Variants in DGKG observed in about 807,000 individuals in gnomAD.
DGKG encodes DAG kinase gamma.
In DGKG, 78 loss-of-function variants were observed where a neutral mutation model predicts 105.3. The ratio of observed to expected loss-of-function variants is 0.74; its 90% CI spans 0.62 to 0.89. DGKG has a LOEUF of 0.89. Among genes scored for constraint, DGKG ranks in the 40% least tolerant of loss-of-function variants. The pLI is 0.00. For missense variants in DGKG, 958 were observed against 1,020.1 expected (o/e 0.94, Z 0.83); for synonymous variants, 346 against 367.1 (o/e 0.94, Z 0.66).
At chr3:186,268,956 G>C (rs777440295) in intron 11 of DGKG, 39 bp from the exon 12 acceptor site, 21 of 1,457,372 alleles carry the variant, frequency 1.4e-5, no homozygotes, top group Non-Finnish European at 1.8e-5. Flanking sequence ...GAAAATGGCA[G>C]AACCATGTCC....
Position 186,279,865 on chromosome 3 carries a change from C to G in DGKG, c.778G>C (p.Gly260Arg), listed in dbSNP as rs1156486146. Residue 260 changes from glycine (G) to arginine (R), a missense_variant, in exon 9 of 25, where the codon GGG becomes CGG. Physicochemically the swap from Gly to Arg is moderately radical, Grantham distance 125. Transcript: ENST00000265022. ...MTTIPLLVLL[G>R]MDDSGSKGDG... ...TGTTGACTTACAGAGTCATCCATCC[C>G]CAGGAGGACCAGCAATGGGATGGTG... 1.9e-6 allele frequency: 3 copies of G among 1,613,612 alleles called. No individual in the cohort carries two copies.
At chr3:186,323,936 CAAAAAAAAA>C (rs35989455) in intron 1 of DGKG, among the ~76,000 whole-genome samples, 4 of 72,018 alleles carry the variant, frequency 5.6e-5, no homozygotes, top group Non-Finnish European at 1.0e-4. Context: ...GACTCCGTCT[CAAAAAAAAA>C]AAAAAAAAAA....
intron 15 of DGKG, 149 bp downstream of exon 15, chr3:186,261,550 G>A (rs934365082): frequency 4.4e-6 from 3 of 676,024 alleles, no homozygotes; most frequent in Non-Finnish European, 2.7e-6. Context: ...GGGACATTAA[G>A]TCACTTGGGC....
chr3:186,214,710 A>T (rs915685168), intron 20 of DGKG, among the ~76,000 whole-genome samples: 4 of 152,234 alleles, frequency 2.6e-5, no homozygotes, highest in Non-Finnish European at 5.9e-5. Context: ...CTTCGGAGAA[A>T]GTGCATGTTT....
At chr3:186,269,229 G>A (rs568664396) in intron 11 of DGKG, among the ~76,000 whole-genome samples, 4 of 152,378 alleles carry the variant, frequency 2.6e-5, no homozygotes, top group African/African-American at 9.6e-5. Flanking sequence ...CTTGCAGAAC[G>A]CCTTGCAGAG....
In DGKG at chr3:186,226,474, C is replaced by T. The variant is rs1340175803; in HGVS notation, c.1827-14589G>A. ...GATTATGAGCAGCCGCTTCCCCTCT[C>T]CCCACCCAAGTTCAGGGGCAAGGTG... On this transcript the variant is annotated intron_variant, in intron 20 of 24. Coordinates refer to ENST00000265022, the MANE Select transcript of DGKG (RefSeq NM_001346.3). This position sits in a 1 kb window ranked among gnomAD's most constrained non-coding sequence, Gnocchi z 4.2. Among the ~76,000 whole-genome samples, 5 of 139,090 alleles carry T rather than the reference C, an allele frequency of 3.6e-5. No homozygotes were observed. The Admixed American group carries it at 4.0e-4, about 11-fold the overall frequency. The allele number at this position is 139,090 out of a possible 152,430, so 91.2% of individuals were successfully genotyped here.
chr3:186,327,404 T>A (rs1350052701), intron 1 of DGKG, among the ~76,000 whole-genome samples: 1 of 141,416 alleles, frequency 7.1e-6, no homozygotes, highest in Non-Finnish European at 1.5e-5. Context: ...TTTTTTTTTT[T>A]GAGGCGTGGT....
chr3:186,322,127 C>T, intron 1 of DGKG, among the ~76,000 whole-genome samples: 1 of 152,154 alleles, frequency 6.6e-6, no homozygotes, highest in Non-Finnish European at 1.5e-5. Flanking sequence ...CTTCTTTTGC[C>T]ATCTTTAAAT....
chr3:186,296,112 C>CAAAAAAAAAAAAAAAAAAAAA (rs36070727), intron 5 of DGKG, among the ~76,000 whole-genome samples: 1 of 143,392 alleles, frequency 7.0e-6, no homozygotes, highest in African/African-American at 2.6e-5. Context: ...TTATCTCAGA[C>CAAAAAAAAAAAAAAAAAAAAA]AAAAAAAAAA....
intron 19 of DGKG, 133 bp downstream of exon 19, chr3:186,251,626 C>T (rs1721230356): frequency 4.0e-6 from 4 of 993,704 alleles, no homozygotes; most frequent in African/African-American, 3.2e-5. Context: ...TTTCAGAATG[C>T]TTGGACCCAA....
intron 22 of DGKG, among the ~76,000 whole-genome samples, chr3:186,185,045 GATACAGAA>G (rs888122301): frequency 9.9e-5 from 15 of 152,172 alleles, no homozygotes; most frequent in African/African-American, 3.1e-4. Context: ...TTATTTTACA[GATACAGAA>G]AACTGAGACC....
intron 1 of DGKG, among the ~76,000 whole-genome samples, chr3:186,330,192 A>ACACT (rs1220254289): frequency 6.6e-6 from 1 of 152,124 alleles, no homozygotes; most frequent in Non-Finnish European, 1.5e-5. Flanking sequence ...ATATACATCA[A>ACACT]CACTCACATT....
At chr3:186,165,166 T>C in intron 22 of DGKG, 148 bp from the exon 23 acceptor site, 1 of 796,726 alleles carries the variant, frequency 1.3e-6, no homozygotes, top group Non-Finnish European at 1.9e-6. Flanking sequence ...CTGAATAGGG[T>C]GTTTCCCCAA....
At position 186,341,276 on chromosome 3, in the gene DGKG, T is replaced by C. The variant is rs535111518; in HGVS notation, c.-248-20569A>G. 2.0e-5 allele frequency among the ~76,000 whole-genome samples: 3 copies of C among 152,336 alleles called. No individual in the cohort carries two copies. The South Asian group carries it at 6.2e-4, about 32-fold the overall frequency. ...CATATGCTGGAAGGGTAAGTTCATG[T>C]CTGGTCATGAAGGACTTGCATCTAC... is the stretch of plus-strand genomic sequence containing the variant. On this transcript the variant is annotated intron_variant, in intron 1 of 24. Coordinates refer to ENST00000265022, the MANE Select transcript of DGKG (RefSeq NM_001346.3).
chr3:186,320,758 G>A (rs1578830989), intron 1 of DGKG, 51 bp from the exon 2 acceptor site: 2 of 308,878 alleles, frequency 6.5e-6, no homozygotes, highest in Admixed American at 4.7e-5. Context: ...AAAAAAAAAG[G>A]CCCCAAATGT....
intron 21 of DGKG, among the ~76,000 whole-genome samples, chr3:186,205,257 CAAAA>C (rs71164580): frequency 5.5e-5 from 4 of 72,992 alleles, no homozygotes; most frequent in Admixed American, 1.6e-4. Flanking sequence ...AACTCCTTCT[CAAAA>C]AAAAAAAAAA....
chr3:186,308,638 G>C (rs1299509449), intron 2 of DGKG, among the ~76,000 whole-genome samples: 2 of 152,148 alleles, frequency 1.3e-5, no homozygotes. Context: ...AATACAACAG[G>C]AAAATGCTTC....
chr3:186,175,818 G>C (rs981373416), intron 22 of DGKG, among the ~76,000 whole-genome samples: 3 of 152,142 alleles, frequency 2.0e-5, no homozygotes, highest in Non-Finnish European at 4.4e-5. Flanking sequence ...TTACAGAATG[G>C]GAGAAAAATG....
intron 21 of DGKG, among the ~76,000 whole-genome samples, chr3:186,201,375 A>G (rs2108511129): frequency 6.6e-6 from 1 of 152,144 alleles, no homozygotes; most frequent in African/African-American, 2.4e-5. Context: ...CTCAGAATGG[A>G]GACCCTTTCT....
Sources: allele counts gnomAD v4.1 joint callset (sites outside exome capture counted in the v4.1 genomes callset), GRCh38; gene constraint gnomAD v4.1.1; non-coding constraint Gnocchi (gnomAD v3.1); transcripts MANE v1.5; gene names NCBI Gene and HGNC (gene_info 2026-07-23, HGNC 2026-07-21).